RIF1: variants seen among roughly 807,000 people sequenced by gnomAD.
RIF1 encodes the protein telomere-associated protein RIF1.
In RIF1, 45 loss-of-function variants were observed where a neutral mutation model predicts 247.1. The observed-to-expected ratio is 0.18, with a 90% CI of 0.14 to 0.23. The LOEUF (loss-of-function observed/expected upper bound fraction) is 0.23. Among genes scored for constraint, RIF1 ranks in the 10% least tolerant of loss-of-function variants. The pLI is 1.00. For missense variants in RIF1, 2,967 were observed against 2,862.5 expected, an observed-to-expected ratio of 1.04 and a Z score of -0.83; for synonymous variants, 1,087 against 978.8, an observed-to-expected ratio of 1.11 and a Z score of -2.06.
At chr2:151,422,504 A>G (rs540907028) in intron 7 of RIF1, among the ~76,000 whole-genome samples, 2 of 141,206 alleles carry the variant, frequency 1.4e-5, no homozygotes, top group African/African-American at 2.6e-5. Context: ...TTTTGGGAAA[A>G]TTTTTTTTTT....
At chr2:151,428,750 A>G (rs1414496383) in intron 8 of RIF1, 34 bp from the exon 9 acceptor site, 1 of 1,530,198 alleles carries the variant, frequency 6.5e-7, no homozygotes, top group Non-Finnish European at 9.0e-7. Flanking sequence ...TCATGCAGAT[A>G]AATAACTTCT....
chr2:151,436,679 C>T, intron 11 of RIF1, 148 bp from the exon 12 acceptor site: 1 of 557,476 alleles, frequency 1.8e-6, no homozygotes, highest in Non-Finnish European at 3.0e-6. Flanking sequence ...TACAGAATAC[C>T]TGCATATTAA....
At chr2:151,524,816 C>T in the RIF1 span, among the ~76,000 whole-genome samples, 3 of 151,668 alleles carry the variant, frequency 2.0e-5, no homozygotes, top group Non-Finnish European at 2.9e-5. Flanking sequence ...TGCAGGTGTG[C>T]ACCACCATGC....
intron 9 of RIF1, among the ~76,000 whole-genome samples, chr2:151,494,573 C>T (rs1271813111): frequency 6.6e-6 from 1 of 152,178 alleles, no homozygotes; most frequent in Non-Finnish European, 1.5e-5. Context: ...ACAGGAGTTA[C>T]AGGCATGAGC....
chr2:151,489,952 T>C lies in RIF1; in HGVS notation c.*416-5277T>C. 6.6e-7 allele frequency: 1 copy of C among 1,520,364 alleles called. No homozygotes were observed. The highest frequency in any genetic ancestry group is 1.4e-5 in the African/African-American group (1 of 73,058). 94.2% of individuals were successfully genotyped at this position (1,520,364 alleles called of 1,614,324 possible). A position where few individuals can be genotyped will look rare whatever the true frequency, so the allele number is the denominator to read the frequency against. On this transcript the variant is annotated intron_variant and NMD_transcript_variant, in intron 9 of 13. Transcript: ENST00000454583. ...AAAAATTAAGAATAATTTATTTAAG[T>C]GAGTTGTTATTCACTTACTCCAGCA... is the stretch of plus-strand genomic sequence containing the variant.
At chr2:151,491,949 G>A in intron 9 of RIF1, 3 of 1,031,464 alleles carry the variant, frequency 2.9e-6, no homozygotes, top group Non-Finnish European at 4.3e-6. Flanking sequence ...AATCAGCTTT[G>A]TAAACTATGA....
chr2:151,517,813 G>C, the RIF1 span, among the ~76,000 whole-genome samples: 1 of 152,154 alleles, frequency 6.6e-6, no homozygotes, highest in Non-Finnish European at 1.5e-5. Context: ...ACCTGCATAG[G>C]GTAGCTCCAT....
At chr2:151,418,763 A>C (rs1056610272) in intron 6 of RIF1, among the ~76,000 whole-genome samples, 1 of 151,946 alleles carries the variant, frequency 6.6e-6, no homozygotes, top group Non-Finnish European at 1.5e-5. Flanking sequence ...AATCTCAGCT[A>C]TATGGGAGAC....
In RIF1 at chr2:151,499,387, A is replaced by G; in HGVS notation, c.*556A>G. On this transcript the variant is annotated 3_prime_UTR_variant and NMD_transcript_variant, in exon 11 of 14. Transcript: ENST00000454583. ...CCTTTTCCAACGTTTTCTTTATACA[A>G]CACCTGTATGACACAAGAAAGCATC... 1.3e-6 allele frequency: 2 copies of G among 1,521,246 alleles called. No homozygotes were observed. The highest frequency in any genetic ancestry group is 1.2e-5 in the South Asian group (1 of 83,432). 94.2% of individuals were successfully genotyped at this position (1,521,246 alleles called of 1,614,324 possible).
intron 3 of RIF1, among the ~76,000 whole-genome samples, chr2:151,413,510 G>A (rs903104233): frequency 6.6e-6 from 1 of 152,180 alleles, no homozygotes; most frequent in Non-Finnish European, 1.5e-5. Flanking sequence ...CGTGTTCAGA[G>A]TTCAGCTAGG....
intron 33 of RIF1, among the ~76,000 whole-genome samples, chr2:151,469,149 G>C (rs1442494397): frequency 1.3e-5 from 2 of 152,122 alleles, no homozygotes; most frequent in African/African-American, 4.8e-5. Flanking sequence ...TTGTTCATCA[G>C]CTGTTTTGTT....
At chr2:151,501,542 T>A in intron 11 of RIF1, 2 of 988,464 alleles carry the variant, frequency 2.0e-6, no homozygotes, top group Non-Finnish European at 2.8e-6. Context: ...TAGGTAGACT[T>A]AACCTAAAAA....
chr2:151,525,408 T>C, the RIF1 span: 31 of 648,712 alleles, frequency 4.8e-5, no homozygotes, highest in African/African-American at 1.3e-4. Flanking sequence ...ATAAGACCCA[T>C]ATTCTAGTTC....
rs376973987 is a variant in RIF1, at chr2:151,492,410, C to T, written c.*416-2819C>T. The T allele has an allele frequency of 1.9e-6, 3 of 1,608,482 alleles. No homozygotes were observed. In the African/African-American group the frequency reaches 4.0e-5, roughly 22 times the overall value. On this transcript the variant is annotated intron_variant and NMD_transcript_variant, in intron 9 of 13. Transcript: ENST00000454583. The stretch of plus-strand genomic sequence containing the variant: ...ACCGTTGAGATGTGCCGTTGGGTCT[C>T]CCTCACCCGTCTCATCTCGGGGGTA...
downstream of RIF1, among the ~76,000 whole-genome samples, chr2:151,508,623 G>A (rs536965992): frequency 1.7e-4 from 26 of 152,346 alleles, no homozygotes; most frequent in Admixed American, 5.9e-4. Context: ...GGACTGAGCC[G>A]GCAGTCAGAC....
chr2:151,491,563 G>A lies in RIF1; in HGVS notation c.*416-3666G>A, dbSNP rs2056664779. 5 of 821,318 alleles carry A rather than the reference G, an allele frequency of 6.1e-6. No individual in the cohort carries two copies. In the Middle Eastern group the frequency reaches 1.2e-3, roughly 194 times the overall value. The allele number at this position is 821,318 out of a possible 1,614,324, so 50.9% of individuals were successfully genotyped here. A position where few individuals can be genotyped will look rare whatever the true frequency, so the allele number is the denominator to read the frequency against. On this transcript the variant is annotated intron_variant and NMD_transcript_variant, in intron 9 of 13. Coordinates refer to the RIF1 transcript ENST00000454583. The stretch of plus-strand genomic sequence containing the variant: ...TTAACAAGGTATTTTTATGCCAAAT[G>A]GGCAGCTCAGAAAATGGAAAACTCT...
intron 11 of RIF1, chr2:151,501,456 C>T: frequency 6.5e-7 from 1 of 1,532,426 alleles, no homozygotes; most frequent in South Asian, 1.3e-5. Flanking sequence ...AGGGGAGTCC[C>T]CTTGCTCAAG....
At chr2:151,502,734 G>A in intron 11 of RIF1, 3 of 888,316 alleles carry the variant, frequency 3.4e-6, no homozygotes, top group African/African-American at 1.7e-5. Flanking sequence ...CATTTGTAAG[G>A]TGTTATTATT....
At chr2:151,491,539 TAAC>T (rs2056653733) in intron 9 of RIF1, 2 of 710,344 alleles carry the variant, frequency 2.8e-6, no homozygotes, top group Non-Finnish European at 4.8e-6. Flanking sequence ...GCTCACTAGT[TAAC>T]AAGGTATTTT....
Sources: allele counts gnomAD v4.1 joint callset (sites outside exome capture counted in the v4.1 genomes callset), GRCh38; gene constraint gnomAD v4.1.1; transcripts MANE v1.5; gene names NCBI Gene and HGNC (gene_info 2026-07-23, HGNC 2026-07-21).